Variants in GRIK1 observed in about 807,000 individuals in gnomAD.
GRIK1 encodes the protein glutamate ionotropic receptor kainate type subunit 1, also known as glutamate receptor ionotropic, kainate 1.
Under a neutral mutation model 105.7 loss-of-function variants are expected in GRIK1, and 69 were observed. The ratio of observed to expected loss-of-function variants is 0.65; its 90% CI spans 0.54 to 0.80. The LOEUF (loss-of-function observed/expected upper bound fraction) is 0.80. Ranked by LOEUF, GRIK1 falls within the 30% of genes least tolerant of loss-of-function variation. The probability of loss-of-function intolerance (pLI) is 0.00; values close to 1 mark genes in which losing one functional copy is unlikely to be tolerated. For synonymous variants in GRIK1, 438 were observed against 431.3 expected, an observed-to-expected ratio of 1.02 and a Z score of -0.19; for missense variants, 1,109 against 1,167.3, an observed-to-expected ratio of 0.95 and a Z score of 0.73.
At chr21:29,781,680 T>TG (rs1299802914) in intron 1 of GRIK1, among the ~76,000 whole-genome samples, 1 of 118,994 alleles carries the variant, frequency 8.4e-6, no homozygotes, top group African/African-American at 2.7e-5. Context: ...TTTTTTTTTT[T>TG]TGAGACGGAG....
Position 29,587,326 on chromosome 21 carries a change from G to C in GRIK1, c.1793+40C>G, listed in dbSNP as rs201900970. 17 of 1,295,480 alleles carry C rather than the reference G, an allele frequency of 1.3e-5. No homozygotes were observed. In the East Asian group the frequency reaches 3.9e-4, roughly 30 times the overall value. 80.2% of individuals were successfully genotyped at this position (1,295,480 alleles called of 1,614,324 possible). A position where few individuals can be genotyped will look rare whatever the true frequency, so the allele number is the denominator to read the frequency against. On this transcript the variant is annotated intron_variant, in intron 12 of 17. Transcript: ENST00000327783. The stretch of plus-strand genomic sequence containing the variant: ...CTGGGACATACAGAAATCTGAGACT[G>C]ACCTACACCTCTTGTGAATTCAGTG...
intron 1 of GRIK1, among the ~76,000 whole-genome samples, chr21:29,936,132 C>T (rs961428964): frequency 5.9e-5 from 9 of 152,232 alleles, no homozygotes; most frequent in African/African-American, 9.6e-5. Context: ...AAATCACGGA[C>T]GTGGGAATCA....
At chr21:29,538,281 A>G (rs2089914050) in intron 16 of GRIK1, among the ~76,000 whole-genome samples, 1 of 152,112 alleles carries the variant, frequency 6.6e-6, no homozygotes, top group African/African-American at 2.4e-5. Context: ...TGATGAGGTC[A>G]CTCTTAAAAC....
chr21:29,663,354 G>T (rs2063002960), intron 4 of GRIK1, among the ~76,000 whole-genome samples: 1 of 152,186 alleles, frequency 6.6e-6, no homozygotes, highest in Non-Finnish European at 1.5e-5. Context: ...GCCAGAGTTT[G>T]TTAAGTTTCC....
At chr21:29,878,304 C>T (rs2249708) in intron 1 of GRIK1, among the ~76,000 whole-genome samples, 83,993 of 151,886 alleles carry the variant, frequency 0.55, 27,763 homozygotes, top group Non-Finnish European at 0.74. Context: ...AGAAGGTCAA[C>T]GCAAAAAGCA....
chr21:29,778,228 A>T (rs993413383), intron 1 of GRIK1, among the ~76,000 whole-genome samples: 1 of 152,190 alleles, frequency 6.6e-6, no homozygotes. Context: ...ATTTTGTGTT[A>T]TATGCTCTTA....
intron 1 of GRIK1, among the ~76,000 whole-genome samples, chr21:29,753,086 A>G (rs562568116): frequency 2.6e-5 from 4 of 152,208 alleles, no homozygotes; most frequent in Admixed American, 1.3e-4. Context: ...TGGTGAGTGC[A>G]TGCATGCATG....
chr21:29,867,843 G>GAAAGAAAGAAAGAAAGAAA lies in GRIK1; in HGVS notation c.118+71539_118+71540insTTTCTTTCTTTCTTTCTTT, dbSNP rs1353645612. 8.0e-3 allele frequency among the ~76,000 whole-genome samples: 972 copies of GAAAGAAAGAAAGAAAGAAA among 121,838 alleles called. 17 individuals are homozygous for GAAAGAAAGAAAGAAAGAAA. Among genetic ancestry groups the GAAAGAAAGAAAGAAAGAAA allele is most frequent in the African/African-American group, 0.02 (588 of 29,760 alleles). The allele number at this position is 121,838 out of a possible 152,430, so 79.9% of individuals were successfully genotyped here. A position where few individuals can be genotyped will look rare whatever the true frequency, so the allele number is the denominator to read the frequency against. On this transcript the variant is annotated intron_variant, in intron 1 of 17. Transcript: ENST00000327783. ...ATGAAAGAAAGAAAGAAAGAAAGAA[G>GAAAGAAAGAAAGAAAGAAA]GAAGGAAAGAGAGAAAGAGAGAGAA...
At chr21:29,705,840 G>T (rs1204747371) in intron 1 of GRIK1, among the ~76,000 whole-genome samples, 1 of 151,058 alleles carries the variant, frequency 6.6e-6, no homozygotes, top group Non-Finnish European at 1.5e-5. Context: ...TATTTAAAAT[G>T]CATTTGCTAT....
intron 14 of GRIK1, among the ~76,000 whole-genome samples, chr21:29,564,422 C>T (rs2090564182): frequency 6.6e-6 from 1 of 152,328 alleles, no homozygotes; most frequent in South Asian, 2.1e-4. Flanking sequence ...GCTGGGATTA[C>T]AGGCGTGAGC....
intron 7 of GRIK1, among the ~76,000 whole-genome samples, chr21:29,635,867 C>T (rs769876088): frequency 1.1e-4 from 17 of 152,086 alleles, no homozygotes; most frequent in Admixed American, 5.2e-4. Flanking sequence ...GTGCAAGCTT[C>T]CACTGAAATA....
Position 29,588,838 on chromosome 21 carries a change from C to T in GRIK1, c.1569+1G>A, listed in dbSNP as rs1225355023. On this transcript the variant is annotated splice_donor_variant, in intron 11 of 17. Coordinates refer to ENST00000327783, the MANE Select transcript of GRIK1 (RefSeq NM_001330994.2). LOFTEE classifies it high-confidence loss of function. ...GATATGTTAGAAATATTGTTACTTACGTGATCTATGAGTTCTTTAACCATC... is the reference window on the plus strand; with the variant it reads ...GATATGTTAGAAATATTGTTACTTATGTGATCTATGAGTTCTTTAACCATC... 2.0e-6 allele frequency: 3 copies of T among 1,497,340 alleles called. No homozygotes were observed. Among genetic ancestry groups the T allele is most frequent in the Non-Finnish European group, 2.8e-6 (3 of 1,074,892 alleles). 92.8% of individuals were successfully genotyped at this position (1,497,340 alleles called of 1,614,324 possible). A position where few individuals can be genotyped will look rare whatever the true frequency, so the allele number is the denominator to read the frequency against.
In GRIK1 at chr21:29,694,082, T is replaced by A. The variant is rs917464462; in HGVS notation, c.119-19A>T. ...ATCCCTCCTGCAGAAGCAAAAGAGA[T>A]GCATGAGAAGCGTTAGTCACATGGT... is the stretch of plus-strand genomic sequence containing the variant. On this transcript the variant is annotated intron_variant, in intron 1 of 17. Transcript: ENST00000327783. 1.3e-6 allele frequency: 2 copies of A among 1,512,674 alleles called. No individual in the cohort carries two copies. The highest frequency in any genetic ancestry group is 1.1e-5 in the South Asian group (1 of 89,006). The allele number at this position is 1,512,674 out of a possible 1,614,324, so 93.7% of individuals were successfully genotyped here. A position where few individuals can be genotyped will look rare whatever the true frequency, so the allele number is the denominator to read the frequency against.
At chr21:29,686,108 T>C (rs763746473) in intron 3 of GRIK1, among the ~76,000 whole-genome samples, 2 of 152,230 alleles carry the variant, frequency 1.3e-5, no homozygotes, top group Non-Finnish European at 2.9e-5. Context: ...TGTTCATTCT[T>C]CATGGAATCT....
At chr21:29,751,710 T>C (rs1453830046) in intron 1 of GRIK1, among the ~76,000 whole-genome samples, 1 of 152,238 alleles carries the variant, frequency 6.6e-6, no homozygotes, top group Non-Finnish European at 1.5e-5. Flanking sequence ...TGGTTTTTAC[T>C]ACAATGGGAG....
At chr21:29,725,343 T>A (rs1490498874) in intron 1 of GRIK1, among the ~76,000 whole-genome samples, 2 of 152,212 alleles carry the variant, frequency 1.3e-5, no homozygotes, top group Non-Finnish European at 2.9e-5. Context: ...ACTCACTGTG[T>A]TTTATGTTTT....
intron 7 of GRIK1, among the ~76,000 whole-genome samples, chr21:29,613,928 G>T (rs3026018): frequency 1.3e-5 from 2 of 152,050 alleles, no homozygotes; most frequent in Admixed American, 1.3e-4. Context: ...TATATTGTAG[G>T]CAAGGGAGAT....
chr21:29,546,454 C>T (rs2832394), intron 16 of GRIK1, among the ~76,000 whole-genome samples: 89,435 of 152,152 alleles, frequency 0.59, 28,681 homozygotes, highest in Middle Eastern at 0.73. Flanking sequence ...CCAGGATTCC[C>T]TTTTAATTTT....
At chr21:29,932,141 G>A (rs1201924242) in intron 1 of GRIK1, among the ~76,000 whole-genome samples, 3 of 152,086 alleles carry the variant, frequency 2.0e-5, no homozygotes, top group Non-Finnish European at 4.4e-5. Flanking sequence ...TGCTTTGCCA[G>A]GATACTAGTA....
Sources: gnomAD v4.1 joint callset for allele counts (sites outside exome capture counted in the v4.1 genomes callset) on GRCh38, gnomAD v4.1.1 for gene constraint, MANE v1.5 for transcripts, NCBI Gene and HGNC (gene_info 2026-07-23, HGNC 2026-07-21) for gene names.